Variants in ASTN2 observed in about 807,000 individuals in gnomAD.
ASTN2 encodes the protein astrotactin-2.
A neutral mutation model predicts 139.8 loss-of-function variants in ASTN2; 54 were observed. The ratio of observed to expected loss-of-function variants is 0.39; its 90% CI spans 0.31 to 0.48. The LOEUF (loss-of-function observed/expected upper bound fraction) is 0.48. Among genes scored for constraint, ASTN2 ranks in the 20% least tolerant of loss-of-function variants. ASTN2 has a pLI of 0.95. For missense variants in ASTN2, 1,565 were observed against 1,725.1 expected (o/e 0.91, Z 1.64); for synonymous variants, 756 against 719.5 (o/e 1.05, Z -0.81).
intron 10 of ASTN2, among the ~76,000 whole-genome samples, chr9:116,937,170 T>C (rs941144750): frequency 6.6e-6 from 1 of 152,152 alleles, no homozygotes; most frequent in African/African-American, 2.4e-5. Context: ...TAATTCTTTT[T>C]CCGCCTTAAA....
intron 10 of ASTN2, among the ~76,000 whole-genome samples, chr9:116,949,263 T>C (rs1474873818): frequency 1.3e-5 from 2 of 152,176 alleles, no homozygotes; most frequent in East Asian, 3.8e-4. Flanking sequence ...CAAAGAGCTC[T>C]AGTATGTAGC....
chr9:116,774,903 C>T (rs1830041259), intron 13 of ASTN2, among the ~76,000 whole-genome samples: 1 of 152,196 alleles, frequency 6.6e-6, no homozygotes, highest in African/African-American at 2.4e-5. Flanking sequence ...CACATGGGCA[C>T]ATGCTCATGC....
At chr9:117,155,479 T>G (rs1321866384) in intron 3 of ASTN2, among the ~76,000 whole-genome samples, 2 of 150,664 alleles carry the variant, frequency 1.3e-5, no homozygotes, top group Non-Finnish European at 3.0e-5. Flanking sequence ...TAGAGAAATG[T>G]GATAAAAAGA....
At chr9:116,669,755 A>G (rs1859077357) in intron 16 of ASTN2, among the ~76,000 whole-genome samples, 1 of 151,742 alleles carries the variant, frequency 6.6e-6, no homozygotes, top group African/African-American at 2.4e-5. Flanking sequence ...TTCATAGAGC[A>G]GAAGTTTTTC....
chr9:116,883,099 G>A (rs1158804355), intron 10 of ASTN2, among the ~76,000 whole-genome samples: 3 of 152,164 alleles, frequency 2.0e-5, no homozygotes, highest in Admixed American at 2.0e-4. Flanking sequence ...GTTCGTCACA[G>A]CATTGTTTAT....
chr9:117,360,819 C>T (rs1182766723), intron 1 of ASTN2, among the ~76,000 whole-genome samples: 1 of 152,150 alleles, frequency 6.6e-6, no homozygotes, highest in African/African-American at 2.4e-5. Flanking sequence ...TATTAGATAA[C>T]TGTGCATATA....
At chr9:117,125,517 T>A (rs923628944) in intron 4 of ASTN2, among the ~76,000 whole-genome samples, 2 of 152,150 alleles carry the variant, frequency 1.3e-5, no homozygotes, top group African/African-American at 4.8e-5. Context: ...TGAAATATGC[T>A]CAGATGCATT....
At chr9:117,289,868 G>A (rs1489368951) in intron 2 of ASTN2, among the ~76,000 whole-genome samples, 2 of 152,194 alleles carry the variant, frequency 1.3e-5, no homozygotes, top group African/African-American at 4.8e-5. Flanking sequence ...TCCACGTGAT[G>A]AGCATGCGTA....
chr9:116,565,326 C>A (rs1173009814), intron 19 of ASTN2, among the ~76,000 whole-genome samples: 7 of 139,846 alleles, frequency 5.0e-5, no homozygotes, highest in Admixed American at 2.9e-4. Flanking sequence ...ATAATACATT[C>A]AGGATAATGT....
At chr9:116,459,290 G>T (rs949569330) in intron 20 of ASTN2, among the ~76,000 whole-genome samples, 1 of 151,936 alleles carries the variant, frequency 6.6e-6, no homozygotes, top group Non-Finnish European at 1.5e-5. Flanking sequence ...AAATGTAAAG[G>T]CTAAAACTAT....
chr9:117,381,773 T>G (rs1007464887), intron 1 of ASTN2, among the ~76,000 whole-genome samples: 1 of 152,156 alleles, frequency 6.6e-6, no homozygotes, highest in African/African-American at 2.4e-5. Context: ...CATAATTATA[T>G]GAAAAACCAC....
At chr9:117,206,770 C>G (rs1324209821) in intron 3 of ASTN2, among the ~76,000 whole-genome samples, 1 of 152,146 alleles carries the variant, frequency 6.6e-6, no homozygotes, top group Non-Finnish European at 1.5e-5. Flanking sequence ...CTTGAGCCAG[C>G]CAAACCACTG....
intron 13 of ASTN2, among the ~76,000 whole-genome samples, chr9:116,760,776 C>T (rs899897993): frequency 6.6e-6 from 1 of 152,138 alleles, no homozygotes; most frequent in Non-Finnish European, 1.5e-5. Flanking sequence ...TGACAGGCAC[C>T]ACTTGTGCCA....
chr9:117,323,092 C>A (rs1391369765), intron 1 of ASTN2, among the ~76,000 whole-genome samples: 2 of 152,138 alleles, frequency 1.3e-5, no homozygotes, highest in Non-Finnish European at 2.9e-5. Context: ...GATTGACAGT[C>A]CTGGGGTCTG....
chr9:116,903,713 A>G (rs1834079590), intron 10 of ASTN2, among the ~76,000 whole-genome samples: 2 of 152,092 alleles, frequency 1.3e-5, no homozygotes, highest in South Asian at 4.1e-4. Context: ...GAAAGAGCTC[A>G]GCCCAGGGTG....
chr9:116,936,601 C>A (rs1440005683), intron 10 of ASTN2, among the ~76,000 whole-genome samples: 2 of 152,212 alleles, frequency 1.3e-5, no homozygotes, highest in Non-Finnish European at 2.9e-5. Flanking sequence ...AAGCACCCAA[C>A]ATGTCATCAG....
At chr9:116,632,237 G>GAAAGAAGA (rs1183179315) in intron 17 of ASTN2, among the ~76,000 whole-genome samples, 1 of 134,876 alleles carries the variant, frequency 7.4e-6, no homozygotes, top group African/African-American at 2.8e-5. Flanking sequence ...AAGAAAGAAA[G>GAAAGAAGA]AAAGAAAGAA....
At chr9:116,859,728 T>C (rs1832829358) in intron 11 of ASTN2, among the ~76,000 whole-genome samples, 1 of 152,132 alleles carries the variant, frequency 6.6e-6, no homozygotes, top group Admixed American at 6.5e-5. Flanking sequence ...GTGCAGAATA[T>C]CAGGTGGGTT....
intron 19 of ASTN2, among the ~76,000 whole-genome samples, chr9:116,549,166 C>T (rs1050387303): frequency 5.1e-5 from 7 of 138,316 alleles, no homozygotes; most frequent in African/African-American, 1.6e-4. Flanking sequence ...AAGCAAACCA[C>T]AAAAATGTCA....
Sources: allele counts gnomAD v4.1 joint callset (sites outside exome capture counted in the v4.1 genomes callset), GRCh38; gene constraint gnomAD v4.1.1; transcripts MANE v1.5; gene names NCBI Gene and HGNC (gene_info 2026-07-23, HGNC 2026-07-21).